KIAA1217: variants seen among roughly 807,000 people sequenced by gnomAD.
The protein encoded by KIAA1217 is KIAA1217.
Under a neutral mutation model 163.9 loss-of-function variants are expected in KIAA1217, and 88 were observed. That is an observed-to-expected ratio of 0.54 (90% CI 0.45 to 0.64). The LOEUF is 0.64. Among genes scored for constraint, KIAA1217 ranks in the 30% least tolerant of loss-of-function variants. The pLI is 0.00. For synonymous variants in KIAA1217, 903 were observed against 923.1 expected (o/e 0.98, Z 0.39); for missense variants, 2,372 against 2,475.0 (o/e 0.96, Z 0.88).
At chr10:23,852,623 A>G (rs1214340148) in intron 1 of KIAA1217, among the ~76,000 whole-genome samples, 3 of 152,174 alleles carry the variant, frequency 2.0e-5, no homozygotes, top group Admixed American at 1.3e-4. Flanking sequence ...CCATTTTCAC[A>G]ATATTGATTC....
intron 1 of KIAA1217, among the ~76,000 whole-genome samples, chr10:23,944,262 T>C (rs1843916794): frequency 6.6e-6 from 1 of 151,948 alleles, no homozygotes; most frequent in South Asian, 2.1e-4. Flanking sequence ...CCATATCTAC[T>C]AAAAATACAA....
chr10:24,073,185 G>A lies in KIAA1217; in HGVS notation c.-171+65811G>A, dbSNP rs563877880. 2.0e-4 allele frequency among the ~76,000 whole-genome samples: 30 copies of A among 152,196 alleles called. No homozygotes were observed. In the South Asian group the frequency reaches 5.8e-3, roughly 30 times the overall value. ...TCAGCTCAGGCCTGAATTCGGGAGCGAGCGCTGGGGCAGAAGAAGAGAAAC... is the reference window on the plus strand; with the variant it reads ...TCAGCTCAGGCCTGAATTCGGGAGCAAGCGCTGGGGCAGAAGAAGAGAAAC... On this transcript the variant is annotated intron_variant, in intron 2 of 18. Transcript: ENST00000376462.
At chr10:24,090,977 T>C (rs938652780) in intron 2 of KIAA1217, among the ~76,000 whole-genome samples, 1 of 151,934 alleles carries the variant, frequency 6.6e-6, no homozygotes, top group Non-Finnish European at 1.5e-5. Flanking sequence ...ACACTTATGA[T>C]GGTCTCAAAG....
At chr10:23,887,826 T>C (rs16924026) in intron 1 of KIAA1217, among the ~76,000 whole-genome samples, 15 of 151,916 alleles carry the variant, frequency 9.9e-5, no homozygotes, top group Admixed American at 2.0e-4. Flanking sequence ...AACCTGAAAT[T>C]TTAAAACAAC....
chr10:24,370,656 C>T (rs186794923), intron 2 of KIAA1217, among the ~76,000 whole-genome samples: 1 of 152,220 alleles, frequency 6.6e-6, no homozygotes, highest in East Asian at 1.9e-4. Flanking sequence ...CTGCATAGCT[C>T]ACTGCAGCCT....
chr10:24,476,146 T>A (rs2064010762), intron 6 of KIAA1217, among the ~76,000 whole-genome samples: 1 of 152,208 alleles, frequency 6.6e-6, no homozygotes, highest in Non-Finnish European at 1.5e-5. Flanking sequence ...TTGGGAATAG[T>A]GCTGAAATTA....
chr10:23,726,986 T>TTTC (rs1228168454), intron 1 of KIAA1217, among the ~76,000 whole-genome samples: 1 of 110,682 alleles, frequency 9.0e-6, no homozygotes, highest in Non-Finnish European at 1.7e-5. Flanking sequence ...CCTCTTTTTT[T>TTTC]TTTTTTTTTT....
At chr10:23,951,769 C>T (rs1317982604) in intron 1 of KIAA1217, among the ~76,000 whole-genome samples, 2 of 152,178 alleles carry the variant, frequency 1.3e-5, no homozygotes, top group African/African-American at 2.4e-5. Flanking sequence ...AAATCCCCTC[C>T]GCAAGTGGCA....
rs2071810965 is a variant in KIAA1217, at chr10:24,524,651, A to G, written c.2785A>G (p.Met929Val). 24 of 1,614,166 alleles carry G rather than the reference A, an allele frequency of 1.5e-5. No homozygotes were observed. Among genetic ancestry groups the G allele is most frequent in the Non-Finnish European group, 2.0e-5 (24 of 1,180,034 alleles). ...CCAGGAAGCAACCTCCACTCTGCAG[A>G]TGTCGCAGGCTCCGCAGTCCCCACA... ...VPQEATSTLQ[M>V]SQAPQSPQIP... Residue 929 changes from methionine to valine, a missense_variant, in exon 13 of 21, where the codon ATG (methionine) becomes GTG (valine). By Grantham distance (21) the Met-to-Val change is conservative (BLOSUM62 1). Transcript: ENST00000376454.
At chr10:24,342,318 A>C (rs889221143) in intron 2 of KIAA1217, among the ~76,000 whole-genome samples, 7 of 152,252 alleles carry the variant, frequency 4.6e-5, no homozygotes, top group Non-Finnish European at 8.8e-5. Flanking sequence ...GGCAGCTGAC[A>C]GCAGAAACAG....
intron 1 of KIAA1217, among the ~76,000 whole-genome samples, chr10:23,753,883 G>A (rs1255170307): frequency 6.6e-6 from 1 of 152,210 alleles, no homozygotes; most frequent in South Asian, 2.1e-4. Context: ...TTTCAACTTT[G>A]CCTTAAGATC....
intron 1 of KIAA1217, among the ~76,000 whole-genome samples, chr10:23,741,162 A>G (rs767044431): frequency 1.3e-5 from 2 of 152,174 alleles, no homozygotes; most frequent in African/African-American, 2.4e-5. Context: ...TAACTAATTA[A>G]TGTAATTCTG....
intron 1 of KIAA1217, among the ~76,000 whole-genome samples, chr10:23,725,823 A>G (rs969488187): frequency 1.3e-5 from 2 of 152,230 alleles, no homozygotes; most frequent in African/African-American, 2.4e-5. Context: ...GGTTTTTCCA[A>G]GAATAGTAGC....
Position 24,224,983 on chromosome 10 carries a change from C to T in KIAA1217, c.354+5074C>T, listed in dbSNP as rs1056866928. On this transcript the variant is annotated intron_variant, in intron 2 of 20. Transcript: ENST00000376454. ...CTGGGACTACAGGCGCCCACCACCA[C>T]GCCTAGCTAATATTTTGTATTTTTA... is the stretch of plus-strand genomic sequence containing the variant. Among the ~76,000 whole-genome samples the T allele has an allele frequency of 3.9e-5, 6 of 151,968 alleles. No homozygotes were observed. The East Asian group carries it at 9.7e-4, about 25-fold the overall frequency.
At chr10:24,405,433 C>T (rs1229386397) in intron 3 of KIAA1217, among the ~76,000 whole-genome samples, 1 of 151,718 alleles carries the variant, frequency 6.6e-6, no homozygotes. Flanking sequence ...AGCATAAATC[C>T]TAATAAATCA....
intron 2 of KIAA1217, among the ~76,000 whole-genome samples, chr10:24,022,290 A>G (rs1424515009): frequency 6.6e-6 from 1 of 151,858 alleles, no homozygotes; most frequent in Non-Finnish European, 1.5e-5. Flanking sequence ...TTAAAAGTAA[A>G]CAAAAGACCT....
intron 1 of KIAA1217, among the ~76,000 whole-genome samples, chr10:23,718,668 G>A (rs1332050215): frequency 1.3e-5 from 2 of 151,932 alleles, no homozygotes; most frequent in Non-Finnish European, 2.9e-5. Flanking sequence ...GATCTGTTTA[G>A]TGAAAAAACA....
At chr10:24,214,295 A>G (rs2068531566) in intron 1 of KIAA1217, among the ~76,000 whole-genome samples, 1 of 152,230 alleles carries the variant, frequency 6.6e-6, no homozygotes, top group Non-Finnish European at 1.5e-5. Context: ...GTGGCTTTGC[A>G]TGATTAAGGT....
intron 1 of KIAA1217, among the ~76,000 whole-genome samples, chr10:23,716,104 C>T (rs918130282): frequency 6.6e-6 from 1 of 152,080 alleles, no homozygotes; most frequent in Non-Finnish European, 1.5e-5. Flanking sequence ...ACGCTGCATG[C>T]AAGAGATTTA....
Sources: allele counts gnomAD v4.1 joint callset (sites outside exome capture counted in the v4.1 genomes callset), GRCh38; gene constraint gnomAD v4.1.1; transcripts MANE v1.5; gene names NCBI Gene and HGNC (gene_info 2026-07-23, HGNC 2026-07-21).